The following IL16 variants were observed in gnomAD, a reference collection of about 807,000 sequenced individuals.
IL16 encodes interleukin 16, also known as pro-interleukin-16.
In IL16, 67 loss-of-function variants were observed where a neutral mutation model predicts 110.1. The observed-to-expected ratio is 0.61, with a 90% CI of 0.50 to 0.75. IL16 has a LOEUF of 0.75. Ranked by LOEUF, IL16 falls within the 30% of genes least tolerant of loss-of-function variation. The probability of loss-of-function intolerance (pLI) is 0.00; values close to 1 mark genes in which losing one functional copy is unlikely to be tolerated. For synonymous variants in IL16, 689 were observed against 662.9 expected (o/e 1.04, Z -0.61); for missense variants, 1,545 against 1,655.0 (o/e 0.93, Z 1.15).
intron 1 of IL16, among the ~76,000 whole-genome samples, chr15:81,214,593 A>T (rs1304164229): frequency 1.3e-5 from 2 of 151,456 alleles, no homozygotes; most frequent in Admixed American, 1.3e-4. Context: ...TCTGGTGACT[A>T]TGTGTCTTGG....
At chr15:81,279,473 C>A in intron 7 of IL16, 85 bp from the exon 8 acceptor site, 2 of 874,306 alleles carry the variant, frequency 2.3e-6, no homozygotes, top group Non-Finnish European at 3.6e-6. Flanking sequence ...CATACACACA[C>A]ACAGAGGTGT....
At chr15:81,305,374 T>C (rs911928746) in intron 16 of IL16, among the ~76,000 whole-genome samples, 1 of 152,072 alleles carries the variant, frequency 6.6e-6, no homozygotes, top group Non-Finnish European at 1.5e-5. Flanking sequence ...TTTTAAAAAA[T>C]TTTTCTTGGC....
rs761648948 is a variant in IL16 at position 81,300,389 on chromosome 15, G to C, written c.3063G>C (p.Gly1021=). The change falls in exon 14 of 19, where the codon GGG becomes GGC. Residue 1021 remains glycine (G), a synonymous_variant. Coordinates refer to ENST00000683961, the MANE Select transcript of IL16 (RefSeq NM_172217.5). ...AGACTCCCTGCATCCCCAAGGAAGG[G>C]GCATCTCCAACATCATCATCCAACG... ...CAQTPCIPKE[G]ASPTSSSNED... 9 of 1,614,062 alleles carry C rather than the reference G, an allele frequency of 5.6e-6. No individual in the cohort carries two copies. The highest frequency in any genetic ancestry group is 7.6e-6 in the Non-Finnish European group (9 of 1,179,990).
rs1441027121 is a variant in IL16, at chr15:81,300,308, G to A, written c.2982G>A (p.Val994=). 1.9e-6 allele frequency: 3 copies of A among 1,614,188 alleles called. No homozygotes were observed. Among genetic ancestry groups the A allele is most frequent in the South Asian group, 1.1e-5 (1 of 91,090 alleles). The change falls in exon 14 of 19, where the codon GTG becomes GTA. Residue 994 remains valine (V), a synonymous_variant. Coordinates refer to ENST00000683961, the MANE Select transcript of IL16 (RefSeq NM_172217.5). ...TSKLYSISSQ[V]SSAVMKSLLC... ...AACTCTATTCTATCAGCAGCCAAGT[G>A]TCATCGGCTGTCATGAAATCCTTGC...
chr15:81,293,860 G>T (rs1466251911), intron 12 of IL16, among the ~76,000 whole-genome samples: 1 of 152,208 alleles, frequency 6.6e-6, no homozygotes, highest in Admixed American at 6.5e-5. Context: ...CATGTACATT[G>T]TGTCAATTAA....
At chr15:81,226,648 G>C (rs1896797984) in intron 2 of IL16, among the ~76,000 whole-genome samples, 2 of 152,206 alleles carry the variant, frequency 1.3e-5, no homozygotes, top group African/African-American at 4.8e-5. Flanking sequence ...CAACATTTGT[G>C]TTAAGGGCCT....
chr15:81,306,919 ATT>A, intron 18 of IL16: 2 of 311,218 alleles, frequency 6.4e-6, no homozygotes, highest in African/African-American at 2.2e-5. Context: ...GTTTTTTAAA[ATT>A]AATTTTAAAA....
intron 11 of IL16, chr15:81,292,070 C>G (rs986114189): frequency 4.7e-6 from 2 of 425,922 alleles, no homozygotes; most frequent in Middle Eastern, 3.8e-4. Context: ...GCACACCCAA[C>G]AGCTTCAGCC....
At position 81,254,820 on chromosome 15, in the gene IL16, C is replaced by A. The variant is rs116779611; in HGVS notation, c.313-4952C>A. 7.8e-3 allele frequency among the ~76,000 whole-genome samples: 1,191 copies of A among 152,334 alleles called. 17 individuals carry two copies. Among genetic ancestry groups the A allele is most frequent in the African/African-American group, 0.027 (1,121 of 41,584 alleles). On this transcript the variant is annotated intron_variant, in intron 2 of 18. Coordinates refer to ENST00000683961, the MANE Select transcript of IL16 (RefSeq NM_172217.5). ...TGATGAGAAACCTCTCCACCCAGGA[C>A]ATACTTGCCAGAGAGAGACCAGATG...
At position 81,300,139 on chromosome 15, in the gene IL16, C is replaced by T. The variant is rs749658212; in HGVS notation, c.2813C>T (p.Pro938Leu). 1.5e-5 allele frequency: 24 copies of T among 1,610,036 alleles called. No homozygotes were observed. Among genetic ancestry groups the T allele is most frequent in the South Asian group, 5.5e-5 (5 of 90,824 alleles). Residue 938 changes from proline (P) to leucine (L), a missense_variant, in exon 14 of 19, where the codon CCG becomes CTG. Transcript: ENST00000683961. ...AATCAGAAAACTCTCCCCCCTGGCCCGGACCCGCTCCTAAGGCTGCTGTCA... is the reference window on the plus strand; with the variant it reads ...AATCAGAAAACTCTCCCCCCTGGCCTGGACCCGCTCCTAAGGCTGCTGTCA... The part of the protein sequence containing the change: ...QPNQKTLPPG[P>L]DPLLRLLSTQ...
intron 4 of IL16, among the ~76,000 whole-genome samples, chr15:81,268,265 A>G (rs555507167): frequency 6.6e-6 from 1 of 152,330 alleles, no homozygotes; most frequent in South Asian, 2.1e-4. Context: ...TATCCAGGGA[A>G]TGCTAGTAAT....
intron 2 of IL16, among the ~76,000 whole-genome samples, chr15:81,244,895 T>A (rs1470273742): frequency 6.6e-6 from 1 of 152,174 alleles, no homozygotes; most frequent in Non-Finnish European, 1.5e-5. Context: ...TCAGATTGAG[T>A]AATTTCTGTT....
At chr15:81,208,802 G>C (rs1896128971) in intron 1 of IL16, among the ~76,000 whole-genome samples, 1 of 152,154 alleles carries the variant, frequency 6.6e-6, no homozygotes, top group Admixed American at 6.5e-5. Context: ...AGGTGTGTGG[G>C]CTCATTAATC....
intron 8 of IL16, among the ~76,000 whole-genome samples, chr15:81,280,518 T>G (rs2142296686): frequency 6.6e-6 from 1 of 152,314 alleles, no homozygotes; most frequent in Non-Finnish European, 1.5e-5. Flanking sequence ...CTTCAAAAAA[T>G]GTCTCCTAGG....
intron 8 of IL16, among the ~76,000 whole-genome samples, chr15:81,280,525 T>C (rs958524191): frequency 7.9e-5 from 12 of 152,188 alleles, no homozygotes; most frequent in Non-Finnish European, 1.8e-4. Context: ...AAATGTCTCC[T>C]AGGGTTCTTC....
At chr15:81,276,314 G>A (rs1018494899) in intron 6 of IL16, among the ~76,000 whole-genome samples, 1 of 152,172 alleles carries the variant, frequency 6.6e-6, no homozygotes, top group Non-Finnish European at 1.5e-5. Flanking sequence ...AAATAAAGAC[G>A]TGGAAATGCC....
intron 2 of IL16, among the ~76,000 whole-genome samples, chr15:81,252,990 C>T (rs57814984): frequency 0.013 from 1,935 of 152,062 alleles, 29 homozygotes; most frequent in Middle Eastern, 0.054. Flanking sequence ...GGGTATATAC[C>T]TAGGAATGGA....
intron 8 of IL16, 23 bp from the exon 9 acceptor site, chr15:81,282,616 A>G: frequency 6.3e-7 from 1 of 1,591,606 alleles, no homozygotes; most frequent in Non-Finnish European, 8.6e-7. Context: ...CGGTCTCCCC[A>G]CCCCGCCCTG....
chr15:81,303,701 G>A lies in IL16; in HGVS notation c.3420+51G>A, dbSNP rs1213924560. 8.1e-7 allele frequency: 1 copy of A among 1,234,032 alleles called. No individual in the cohort carries two copies. Among genetic ancestry groups the A allele is most frequent in the Non-Finnish European group, 1.2e-6 (1 of 835,262 alleles). The allele number at this position is 1,234,032 out of a possible 1,614,324, so 76.4% of individuals were successfully genotyped here. On this transcript the variant is annotated intron_variant, in intron 16 of 18. Coordinates refer to ENST00000683961, the MANE Select transcript of IL16 (RefSeq NM_172217.5). The surrounding 1 kb of genome is among the most constrained non-coding windows in gnomAD (Gnocchi z 4.1). Reference sequence around the variant, plus strand: ...TCACAGCCAGAGGCAATGGTTCTGGGGGAGGGGGACACACTTGCCAGGAAG... The same window carrying A: ...TCACAGCCAGAGGCAATGGTTCTGGAGGAGGGGGACACACTTGCCAGGAAG...
Sources: gnomAD v4.1 joint callset for allele counts (sites outside exome capture counted in the v4.1 genomes callset) on GRCh38, gnomAD v4.1.1 for gene constraint, Gnocchi (gnomAD v3.1) non-coding constraint, MANE v1.5 for transcripts, NCBI Gene and HGNC (gene_info 2026-07-23, HGNC 2026-07-21) for gene names.